Variants in PTPRO observed in about 807,000 individuals in gnomAD.
PTPRO encodes the protein receptor-type tyrosine-protein phosphatase O.
Under a neutral mutation model 145.2 loss-of-function variants are expected in PTPRO, and 62 were observed. That is an observed-to-expected ratio of 0.43 (90% CI 0.35 to 0.53). The LOEUF (loss-of-function observed/expected upper bound fraction) is 0.53, where lower values mean the gene tolerates loss of function less well. PTPRO is among the 20% of genes least tolerant of loss of function. The pLI is 0.01. For synonymous variants in PTPRO, 565 were observed against 514.7 expected, an observed-to-expected ratio of 1.10 and a Z score of -1.32; for missense variants, 1,345 against 1,482.7, an observed-to-expected ratio of 0.91 and a Z score of 1.53.
intron 10 of PTPRO, 83 bp downstream of exon 10, chr12:15,520,395 C>A: frequency 1.0e-6 from 1 of 981,208 alleles, no homozygotes; most frequent in South Asian, 1.3e-5. Flanking sequence ...CTAGAAAGTG[C>A]CAGTCATTCA....
Position 15,504,069 on chromosome 12 carries a change from A to T in PTPRO, c.1267A>T (p.Ser423Cys), listed in dbSNP as rs1942272756. The change falls in exon 6 of 27, where the codon AGT becomes TGT. Residue 423 changes from serine to cysteine, a missense_variant and splice_region_variant. Ser to Cys is a moderately radical substitution (Grantham distance 112, BLOSUM62 -1). Around this residue, in one of 3 missense-constraint regions of PTPRO, gnomAD observed 1,130 missense variants for 1,214.7 expected, o/e 0.93. Transcript: ENST00000281171. The stretch of plus-strand genomic sequence containing the variant: ...AGCAAAATCACTCAGCTTTTATATC[A>T]GTAAGTAACAAAGAGATCATTTTAC... ...QSAKSLSFYI[S>C]PSGEWIEELT... The T allele has an allele frequency of 6.2e-7, 1 of 1,609,120 alleles. No homozygotes were observed. The highest frequency in any genetic ancestry group is 1.3e-5 in the African/African-American group (1 of 74,830).
In PTPRO at chr12:15,595,056, C is replaced by G; in HGVS notation, c.*15C>G. 1.3e-6 allele frequency: 2 copies of G among 1,588,794 alleles called. No individual in the cohort carries two copies. Among genetic ancestry groups the G allele is most frequent in the East Asian group, 2.2e-5 (1 of 44,674 alleles). ...GCAAGTCCTAGTTCAGAATCCGGAG[C>G]AGTAAGTGGAGAAGAGCTCTCCACG... On this transcript the variant is annotated splice_region_variant and 3_prime_UTR_variant, in exon 26 of 27. Coordinates refer to ENST00000281171, the MANE Select transcript of PTPRO (RefSeq NM_030667.3).
chr12:15,456,205 T>C (rs1188691523), intron 1 of PTPRO, among the ~76,000 whole-genome samples: 1 of 152,238 alleles, frequency 6.6e-6, no homozygotes, highest in Non-Finnish European at 1.5e-5. Flanking sequence ...ATCAAATTTC[T>C]TTTCTACATT....
At chr12:15,527,182 C>T (rs1465254692) in intron 12 of PTPRO, among the ~76,000 whole-genome samples, 1 of 152,142 alleles carries the variant, frequency 6.6e-6, no homozygotes, top group East Asian at 1.9e-4. Context: ...TACGAGGATG[C>T]GACCGATTCC....
At chr12:15,354,041 A>G (rs1937899487) in intron 1 of PTPRO, among the ~76,000 whole-genome samples, 1 of 152,132 alleles carries the variant, frequency 6.6e-6, no homozygotes, top group Non-Finnish European at 1.5e-5. Flanking sequence ...AAGCTGAACA[A>G]ACTAAGATGT....
chr12:15,505,035 GTGAGAGACCT>G (rs1942294224), intron 6 of PTPRO, among the ~76,000 whole-genome samples: 1 of 152,212 alleles, frequency 6.6e-6, no homozygotes, highest in Non-Finnish European at 1.5e-5. Context: ...TCTTTCAAGT[GTGAGAGACCT>G]TGGACATGTG....
In PTPRO at chr12:15,518,777, G is replaced by A. The variant is rs539432749; in HGVS notation, c.1780-1424G>A. On this transcript the variant is annotated intron_variant, in intron 9 of 26. Transcript: ENST00000281171. Reference sequence around the variant, plus strand: ...AAGAATCACCTTTGCTCCAGTTCCCGACAAGTTCTTCATCCCCATCTGAGA... The same window carrying A: ...AAGAATCACCTTTGCTCCAGTTCCCAACAAGTTCTTCATCCCCATCTGAGA... Among the ~76,000 whole-genome samples, 4 of 152,262 alleles carry A rather than the reference G, an allele frequency of 2.6e-5. No individual in the cohort carries two copies. The South Asian group carries it at 6.2e-4, about 24-fold the overall frequency.
intron 12 of PTPRO, among the ~76,000 whole-genome samples, chr12:15,526,819 A>T (rs2136529054): frequency 6.6e-6 from 1 of 152,234 alleles, no homozygotes; most frequent in South Asian, 2.1e-4. Context: ...ATTAAAATGA[A>T]TAAGTTGGGG....
rs1316259180 is a variant in PTPRO at position 15,425,255 on chromosome 12, T to A, written c.76-58719T>A. Among the ~76,000 whole-genome samples the A allele has an allele frequency of 4.6e-5, 7 of 152,210 alleles. No individual in the cohort carries two copies. The East Asian group carries it at 1.3e-3, about 29-fold the overall frequency. ...GTTTAGCTAACAAATACTTATTATGTACCAAGTTTTATTCTAATGTTTTTT... is the reference window on the plus strand; with the variant it reads ...GTTTAGCTAACAAATACTTATTATGAACCAAGTTTTATTCTAATGTTTTTT... On this transcript the variant is annotated intron_variant, in intron 1 of 26. Transcript: ENST00000281171.
At chr12:15,454,414 T>G (rs1335974692) in intron 1 of PTPRO, among the ~76,000 whole-genome samples, 1 of 152,238 alleles carries the variant, frequency 6.6e-6, no homozygotes, top group African/African-American at 2.4e-5. Context: ...TCTGGTTATT[T>G]CTATACTTTT....
At chr12:15,409,476 G>A (rs772582851) in intron 1 of PTPRO, among the ~76,000 whole-genome samples, 8 of 152,092 alleles carry the variant, frequency 5.3e-5, no homozygotes, top group Non-Finnish European at 1.0e-4. Context: ...CCCACAGGAC[G>A]TATTCTTCCA....
intron 1 of PTPRO, among the ~76,000 whole-genome samples, chr12:15,464,425 G>A (rs1387692184): frequency 6.6e-6 from 1 of 151,742 alleles, no homozygotes; most frequent in Non-Finnish European, 1.5e-5. Flanking sequence ...CACAATCTCG[G>A]CTCACTGCAA....
At chr12:15,426,883 G>C (rs371318223) in intron 1 of PTPRO, among the ~76,000 whole-genome samples, 2 of 151,784 alleles carry the variant, frequency 1.3e-5, no homozygotes, top group African/African-American at 4.8e-5. Flanking sequence ...ATCCTAATGG[G>C]GTATTGACTG....
At chr12:15,489,477 C>G (rs1941956071) in intron 2 of PTPRO, among the ~76,000 whole-genome samples, 1 of 152,184 alleles carries the variant, frequency 6.6e-6, no homozygotes, top group Non-Finnish European at 1.5e-5. Flanking sequence ...GTTCCCGGAA[C>G]TGAGGGTTTA....
chr12:15,544,506 C>CAAAAAAAAAAA lies in PTPRO; in HGVS notation c.2165-2052_2165-2042dup, dbSNP rs61249816. Among the ~76,000 whole-genome samples the CAAAAAAAAAAA allele has an allele frequency of 8.2e-5, 6 of 73,204 alleles. 1 individual carries two copies. Among genetic ancestry groups the CAAAAAAAAAAA allele is most frequent in the Non-Finnish European group, 1.6e-4 (6 of 37,516 alleles). 48.0% of individuals were successfully genotyped at this position (73,204 alleles called of 152,430 possible). ...CTGGTGACAGAGCGAGACTCCATCT[C>CAAAAAAAAAAA]AAAAAAAAAAAAAAAAAAAAAGATT... On this transcript the variant is annotated intron_variant, in intron 12 of 26. Coordinates refer to ENST00000281171, the MANE Select transcript of PTPRO (RefSeq NM_030667.3).
chr12:15,579,067 C>A, intron 20 of PTPRO, 124 bp downstream of exon 20: 1 of 777,086 alleles, frequency 1.3e-6, no homozygotes, highest in Non-Finnish European at 2.2e-6. Flanking sequence ...AAGGCCACGT[C>A]TGAGATTGCA....
At chr12:15,563,439 T>C (rs1200091616) in intron 17 of PTPRO, among the ~76,000 whole-genome samples, 1 of 152,142 alleles carries the variant, frequency 6.6e-6, no homozygotes, top group Non-Finnish European at 1.5e-5. Flanking sequence ...AGGAACATTT[T>C]ATCAGTGTTG....
At chr12:15,387,893 T>C (rs1415395879) in intron 1 of PTPRO, among the ~76,000 whole-genome samples, 1 of 152,202 alleles carries the variant, frequency 6.6e-6, no homozygotes, top group Non-Finnish European at 1.5e-5. Context: ...ACTATTGTCA[T>C]GCTGGAATTC....
intron 1 of PTPRO, among the ~76,000 whole-genome samples, chr12:15,369,318 T>A (rs1260285926): frequency 6.6e-6 from 1 of 152,172 alleles, no homozygotes; most frequent in Non-Finnish European, 1.5e-5. Flanking sequence ...CAGCCATTTT[T>A]TTCTCTTGAC....
Sources: gnomAD v4.1 joint callset for allele counts (sites outside exome capture counted in the v4.1 genomes callset) on GRCh38, gnomAD v4.1.1 for gene constraint, gnomAD v4.1.1 regional missense constraint, MANE v1.5 for transcripts, NCBI Gene and HGNC (gene_info 2026-07-23, HGNC 2026-07-21) for gene names.